The following MOB3B variants were observed in gnomAD, a reference collection of about 807,000 sequenced individuals.
The protein encoded by MOB3B is MOB kinase activator-like 2B.
Under a neutral mutation model 18.7 loss-of-function variants are expected in MOB3B, and 7 were observed. The observed-to-expected ratio is 0.37, with a 90% confidence interval of 0.21 to 0.70. The LOEUF (loss-of-function observed/expected upper bound fraction) is 0.70, where lower values mean the gene tolerates loss of function less well. MOB3B is among the 30% of genes least tolerant of loss of function. The pLI is 0.52. For missense variants in MOB3B, 253 were observed against 281.3 expected (o/e 0.90, Z 0.72); for synonymous variants, 111 against 99.9 (o/e 1.11, Z -0.66).
At chr9:27,525,681 G>C (rs994032827) in intron 1 of MOB3B, among the ~76,000 whole-genome samples, 1 of 151,586 alleles carries the variant, frequency 6.6e-6, no homozygotes, top group Non-Finnish European at 1.5e-5. Context: ...TACATCTAAA[G>C]GCATGGAAAA....
chr9:27,447,985 T>G (rs1256725526), intron 2 of MOB3B, among the ~76,000 whole-genome samples: 1 of 152,074 alleles, frequency 6.6e-6, no homozygotes, highest in Non-Finnish European at 1.5e-5. Flanking sequence ...AGAGTTTGCA[T>G]CAGGTGCAGG....
At chr9:27,332,532 A>G (rs1820804684) in intron 3 of MOB3B, among the ~76,000 whole-genome samples, 1 of 152,230 alleles carries the variant, frequency 6.6e-6, no homozygotes, top group South Asian at 2.1e-4. Flanking sequence ...TGGTTATACC[A>G]TTGCATCTGT....
At chr9:27,405,806 A>G (rs1267943012) in intron 2 of MOB3B, among the ~76,000 whole-genome samples, 1 of 152,256 alleles carries the variant, frequency 6.6e-6, no homozygotes, top group Admixed American at 6.5e-5. Context: ...CATCATACCA[A>G]TAGAATGAAG....
chr9:27,335,876 A>C (rs764590155), intron 3 of MOB3B, among the ~76,000 whole-genome samples: 18 of 152,148 alleles, frequency 1.2e-4, no homozygotes, highest in Non-Finnish European at 2.2e-4. Context: ...TGGTTTCAGC[A>C]CCAGGCTGCT....
intron 1 of MOB3B, among the ~76,000 whole-genome samples, chr9:27,465,950 G>T (rs1227329074): frequency 6.6e-6 from 1 of 152,170 alleles, no homozygotes. Flanking sequence ...GTGATGGGTG[G>T]GGCAGCCATG....
At chr9:27,338,535 G>A (rs988736278) in intron 3 of MOB3B, among the ~76,000 whole-genome samples, 13 of 152,106 alleles carry the variant, frequency 8.5e-5, no homozygotes, top group Middle Eastern at 6.3e-3. Context: ...GCTTGCTGCA[G>A]GGAAATCCCC....
chr9:27,475,974 A>G (rs1819548607), intron 1 of MOB3B, among the ~76,000 whole-genome samples: 1 of 152,216 alleles, frequency 6.6e-6, no homozygotes, highest in Non-Finnish European at 1.5e-5. Flanking sequence ...AAATCAGGCC[A>G]CTGCCCTCTT....
At chr9:27,486,614 G>T (rs571667323) in intron 1 of MOB3B, among the ~76,000 whole-genome samples, 2 of 152,128 alleles carry the variant, frequency 1.3e-5, no homozygotes, top group African/African-American at 4.8e-5. Context: ...TCAAGGGCCC[G>T]CATTCTGATT....
intron 1 of MOB3B, among the ~76,000 whole-genome samples, chr9:27,512,476 G>A (rs1329712489): frequency 6.6e-6 from 1 of 152,096 alleles, no homozygotes; most frequent in African/African-American, 2.4e-5. Context: ...GATGCCAAAA[G>A]TTTAATAAAA....
At chr9:27,416,500 A>T (rs529880902) in intron 2 of MOB3B, among the ~76,000 whole-genome samples, 1 of 149,270 alleles carries the variant, frequency 6.7e-6, no homozygotes. Context: ...GACTTTAGAT[A>T]TCATTTGGAG....
intron 1 of MOB3B, among the ~76,000 whole-genome samples, chr9:27,514,795 G>A (rs1057369963): frequency 5.9e-5 from 9 of 151,874 alleles, no homozygotes; most frequent in African/African-American, 2.2e-4. Context: ...TCTGCAGCAT[G>A]TCTGCCAAGG....
intron 3 of MOB3B, among the ~76,000 whole-genome samples, chr9:27,335,183 G>A (rs1820845859): frequency 6.6e-6 from 1 of 152,210 alleles, no homozygotes; most frequent in Admixed American, 6.5e-5. Context: ...TGCTTGCACA[G>A]CAATTTTAAT....
At chr9:27,501,368 T>C (rs1161301488) in intron 1 of MOB3B, among the ~76,000 whole-genome samples, 1 of 152,016 alleles carries the variant, frequency 6.6e-6, no homozygotes, top group African/African-American at 2.4e-5. Context: ...CCATCAATGA[T>C]AGACTGGATT....
chr9:27,496,708 G>A (rs140494814), intron 1 of MOB3B, among the ~76,000 whole-genome samples: 4 of 152,300 alleles, frequency 2.6e-5, no homozygotes, highest in African/African-American at 9.6e-5. Flanking sequence ...CAACATATTA[G>A]TCTTTGTCAG....
intron 2 of MOB3B, among the ~76,000 whole-genome samples, chr9:27,414,427 T>G (rs938261083): frequency 5.9e-5 from 9 of 152,226 alleles, no homozygotes; most frequent in African/African-American, 1.7e-4. Context: ...GAGCCCATTC[T>G]GAAACTCATG....
intron 2 of MOB3B, among the ~76,000 whole-genome samples, chr9:27,430,506 C>T (rs143645251): frequency 5.9e-5 from 9 of 152,234 alleles, no homozygotes; most frequent in African/African-American, 9.6e-5. Context: ...CTGCAGCCAA[C>T]GCAGAACCAA....
At chr9:27,516,274 G>C (rs2131503973) in intron 1 of MOB3B, among the ~76,000 whole-genome samples, 1 of 152,278 alleles carries the variant, frequency 6.6e-6, no homozygotes. Flanking sequence ...CCTAGGAAAT[G>C]AATACATCCC....
intron 3 of MOB3B, among the ~76,000 whole-genome samples, chr9:27,332,137 C>T (rs1820798258): frequency 6.6e-6 from 1 of 152,176 alleles, no homozygotes; most frequent in Non-Finnish European, 1.5e-5. Context: ...GGACTATAGG[C>T]ACACAACACC....
chr9:27,367,473 C>T (rs1196425558), intron 2 of MOB3B, among the ~76,000 whole-genome samples: 1 of 152,218 alleles, frequency 6.6e-6, no homozygotes, highest in East Asian at 1.9e-4. Context: ...TGGCTCTGGC[C>T]TCAATCCCAT....
Sources: allele counts gnomAD v4.1 joint callset (sites outside exome capture counted in the v4.1 genomes callset), GRCh38; gene constraint gnomAD v4.1.1; transcripts MANE v1.5; gene names NCBI Gene and HGNC (gene_info 2026-07-23, HGNC 2026-07-21).